The following MAPK10 variants were observed in gnomAD, a reference collection of about 807,000 sequenced individuals.
The protein encoded by MAPK10 is JNK3 alpha protein kinase.
Under a neutral mutation model 59.3 loss-of-function variants are expected in MAPK10, and 25 were observed. The ratio of observed to expected loss-of-function variants is 0.42; its 90% CI spans 0.31 to 0.59. MAPK10 has a LOEUF of 0.59. Ranked by LOEUF, MAPK10 falls within the 20% of genes least tolerant of loss-of-function variation. MAPK10 has a pLI of 0.15. For synonymous variants in MAPK10, 190 were observed against 200.5 expected (o/e 0.95, Z 0.44); for missense variants, 351 against 568.9 (o/e 0.62, Z 3.90).
At chr4:86,323,321 G>A (rs2095944879) in intron 2 of MAPK10, among the ~76,000 whole-genome samples, 1 of 152,130 alleles carries the variant, frequency 6.6e-6, no homozygotes, top group Non-Finnish European at 1.5e-5. Flanking sequence ...CTCTAAATGT[G>A]GTCACATTTT....
At chr4:86,155,775 CACTTTTTAACTTAAAGG>C (rs1489921978) in intron 4 of MAPK10, among the ~76,000 whole-genome samples, 1 of 152,056 alleles carries the variant, frequency 6.6e-6, no homozygotes, top group Admixed American at 6.6e-5. Context: ...TGGGAACTTT[CACTTTTTAACTTAAAGG>C]AAGCACTTTA....
At chr4:86,141,798 T>G (rs2063705430) in intron 4 of MAPK10, among the ~76,000 whole-genome samples, 1 of 152,212 alleles carries the variant, frequency 6.6e-6, no homozygotes, top group African/African-American at 2.4e-5. Context: ...CTTAGTCCAT[T>G]TTGTGTTGCT....
chr4:86,163,286 A>C (rs922926519), intron 3 of MAPK10, among the ~76,000 whole-genome samples: 1 of 152,110 alleles, frequency 6.6e-6, no homozygotes. Flanking sequence ...ATCTAAATTG[A>C]GTTTTGAAAG....
At chr4:86,219,831 A>C (rs891233924) in intron 2 of MAPK10, 3 of 152,154 alleles carry the variant, frequency 2.0e-5, no homozygotes, top group Non-Finnish European at 4.4e-5. Flanking sequence ...ACATAAACCA[A>C]AGCAAGTTAT....
At chr4:86,059,885 A>G (rs1474492395) in intron 11 of MAPK10, among the ~76,000 whole-genome samples, 5 of 152,082 alleles carry the variant, frequency 3.3e-5, no homozygotes, top group South Asian at 2.1e-4. Flanking sequence ...AGAAGGCCCT[A>G]TGTTTCCTGC....
chr4:86,259,262 T>C (rs1469708721), intron 2 of MAPK10, among the ~76,000 whole-genome samples: 1 of 152,160 alleles, frequency 6.6e-6, no homozygotes, highest in Non-Finnish European at 1.5e-5. Context: ...CTGAAATATC[T>C]ATATTTCCAT....
At chr4:86,215,411 G>T (rs1269346070) in intron 2 of MAPK10, among the ~76,000 whole-genome samples, 1 of 152,088 alleles carries the variant, frequency 6.6e-6, no homozygotes, top group East Asian at 1.9e-4. Flanking sequence ...AGACAAATTG[G>T]ACTTCATAAA....
upstream of MAPK10, among the ~76,000 whole-genome samples, chr4:86,456,218 AACAG>A (rs965835114): frequency 2.7e-4 from 41 of 152,290 alleles, no homozygotes; most frequent in African/African-American, 9.1e-4. Context: ...AAAAAGCACA[AACAG>A]ACAATCTAAG....
At chr4:86,181,184 A>G (rs1301392520) in intron 3 of MAPK10, among the ~76,000 whole-genome samples, 1 of 152,092 alleles carries the variant, frequency 6.6e-6, no homozygotes, top group African/African-American at 2.4e-5. Flanking sequence ...AATAAATTAG[A>G]AAAATTACCA....
Position 86,338,853 on chromosome 4 carries a change from T to C in MAPK10, c.-7+15677A>G, listed in dbSNP as rs529047538. 3.7e-3 allele frequency among the ~76,000 whole-genome samples: 254 copies of C among 69,044 alleles called. 1 individual carries two copies. Among genetic ancestry groups the C allele is most frequent in the African/African-American group, 9.0e-3 (241 of 26,782 alleles). The allele number at this position is 69,044 out of a possible 152,430, so 45.3% of individuals were successfully genotyped here. ...CTTTTTCAAAGTTTTTAGTGTTTAG[T>C]GTTAACAAAATTTAGTGCCTAGTGT... is the stretch of plus-strand genomic sequence containing the variant. On this transcript the variant is annotated intron_variant, in intron 2 of 13. Transcript: ENST00000641462.
At chr4:86,336,784 C>CTTTTTTTTTTTTTTTTTTT (rs70948788) in intron 2 of MAPK10, among the ~76,000 whole-genome samples, 1 of 83,094 alleles carries the variant, frequency 1.2e-5, no homozygotes, top group Non-Finnish European at 2.1e-5. Context: ...GGAATGACTC[C>CTTTTTTTTTTTTTTTTTTT]TTTTTTTTTT....
At chr4:86,084,020 A>T (rs562086764) in intron 9 of MAPK10, among the ~76,000 whole-genome samples, 64 of 152,162 alleles carry the variant, frequency 4.2e-4, no homozygotes, top group Non-Finnish European at 7.9e-4. Flanking sequence ...TGCTAACTGA[A>T]GAGTCCTTGG....
intron 13 of MAPK10, chr4:86,027,094 A>G (rs1750701634): frequency 6.6e-6 from 1 of 152,172 alleles, no homozygotes. Context: ...GCACATAAAT[A>G]TGTCATACAG....
chr4:86,488,601 C>G (rs1364863023), intron 1 of MAPK10, among the ~76,000 whole-genome samples: 1 of 152,152 alleles, frequency 6.6e-6, no homozygotes, highest in Non-Finnish European at 1.5e-5. Flanking sequence ...TTTTCCCTTT[C>G]CCAGTGATTT....
chr4:86,194,422 A>T lies in MAPK10; in HGVS notation c.-6-15T>A. Reference sequence around the variant, plus strand: ...CTCATAAATACCTAGAGGAAAAAGAAATGGAGCATAAATTTTCAAATCACT... The same window carrying T: ...CTCATAAATACCTAGAGGAAAAAGATATGGAGCATAAATTTTCAAATCACT... On this transcript the variant is annotated splice_polypyrimidine_tract_variant and intron_variant, in intron 2 of 13. Coordinates refer to ENST00000641462, the MANE Select transcript of MAPK10 (RefSeq NM_138982.4). The T allele has an allele frequency of 7.0e-7, 1 of 1,431,458 alleles. No individual in the cohort carries two copies. Among genetic ancestry groups the T allele is most frequent in the Non-Finnish European group, 9.8e-7 (1 of 1,015,410 alleles). The allele number at this position is 1,431,458 out of a possible 1,614,324, so 88.7% of individuals were successfully genotyped here.
intron 1 of MAPK10, among the ~76,000 whole-genome samples, chr4:86,380,658 T>C (rs1420623511): frequency 1.3e-5 from 2 of 152,154 alleles, no homozygotes; most frequent in African/African-American, 4.8e-5. Flanking sequence ...GTGTATAAAA[T>C]CTGTAAAGCA....
chr4:86,152,797 G>A (rs970533228), intron 4 of MAPK10, among the ~76,000 whole-genome samples: 1 of 152,066 alleles, frequency 6.6e-6, no homozygotes, highest in South Asian at 2.1e-4. Flanking sequence ...AACAAAGCCA[G>A]CTTATCTACA....
intron 3 of MAPK10, among the ~76,000 whole-genome samples, chr4:86,188,868 C>T (rs186960626): frequency 7.9e-5 from 12 of 151,728 alleles, no homozygotes; most frequent in African/African-American, 1.7e-4. Context: ...ACGGTTTTTA[C>T]GGTTTTTATG....
intron 9 of MAPK10, among the ~76,000 whole-genome samples, chr4:86,083,432 T>C (rs1317812294): frequency 6.6e-6 from 1 of 152,152 alleles, no homozygotes; most frequent in Non-Finnish European, 1.5e-5. Context: ...GCCCTTGTTA[T>C]AGCAGAAAGT....
Sources: allele counts gnomAD v4.1 joint callset (sites outside exome capture counted in the v4.1 genomes callset), GRCh38; gene constraint gnomAD v4.1.1; transcripts MANE v1.5; gene names NCBI Gene and HGNC (gene_info 2026-07-23, HGNC 2026-07-21).